Variants in CRYBB2 observed in about 807,000 individuals in gnomAD.
The protein encoded by CRYBB2 is crystallin beta B2, also known as beta-crystallin B2.
CRYBB2 carries 12 observed loss-of-function variants against 24.3 expected under a neutral mutation model. That is an observed-to-expected ratio of 0.49 (90% CI 0.32 to 0.80). The LOEUF is 0.80. CRYBB2 is among the 30% of genes least tolerant of loss of function. CRYBB2 has a pLI of 0.04. For missense variants in CRYBB2, 198 were observed against 268.5 expected (o/e 0.74, Z 1.83); for synonymous variants, 98 against 101.6 (o/e 0.96, Z 0.21).
chr22:25,228,724 G>A (rs896827365), intron 4 of CRYBB2, among the ~76,000 whole-genome samples: 7 of 152,208 alleles, frequency 4.6e-5, no homozygotes, highest in Non-Finnish European at 1.0e-4. Context: ...TCTCTGTGCC[G>A]CGCTTTCCTC....
intron 1 of CRYBB2, among the ~76,000 whole-genome samples, chr22:25,214,401 G>A (rs1935141495): frequency 6.6e-6 from 1 of 152,152 alleles, no homozygotes; most frequent in Admixed American, 6.5e-5. Context: ...GTTGCACCAA[G>A]GTGGGGACCC....
intron 2 of CRYBB2, among the ~76,000 whole-genome samples, chr22:25,222,035 C>T (rs1285288814): frequency 6.6e-6 from 1 of 152,234 alleles, no homozygotes; most frequent in African/African-American, 2.4e-5. Context: ...TTCTCATCCA[C>T]CTGTCCACCC....
upstream of CRYBB2, among the ~76,000 whole-genome samples, chr22:25,217,604 G>A (rs4822581): frequency 0.45 from 68,858 of 151,910 alleles, 16,274 homozygotes; most frequent in East Asian, 0.83. Flanking sequence ...GGCGTGAGCC[G>A]CTGTGCCCGG....
intron 1 of CRYBB2, 141 bp from the exon 2 acceptor site, chr22:25,221,263 G>A (rs989202880): frequency 9.0e-6 from 6 of 663,192 alleles, no homozygotes; most frequent in Admixed American, 2.1e-5. Flanking sequence ...AGCTGCTTAC[G>A]GACCCCACAG....
At chr22:25,214,127 C>T (rs993132548) in intron 1 of CRYBB2, among the ~76,000 whole-genome samples, 2 of 152,082 alleles carry the variant, frequency 1.3e-5, no homozygotes, top group African/African-American at 2.4e-5. Context: ...TTGCTTGAGG[C>T]TTGGAGTTCG....
At position 25,231,054 on chromosome 22, in the gene CRYBB2, C is replaced by A. The variant is rs142192985; in HGVS notation, c.450-550C>A. On this transcript the variant is annotated intron_variant, in intron 5 of 5. Transcript: ENST00000398215. Reference sequence around the variant, plus strand: ...GCAGAGATGTGGGAGCATAAGAATGCGAAGTAGAGCTGGAGGTGTCCACAG... The same window carrying A: ...GCAGAGATGTGGGAGCATAAGAATGAGAAGTAGAGCTGGAGGTGTCCACAG... 1.7e-3 allele frequency among the ~76,000 whole-genome samples: 266 copies of A among 152,240 alleles called. 1 individual carries two copies. The East Asian group carries it at 0.026, about 15-fold the overall frequency.
In CRYBB2 at chr22:25,226,965, C is replaced by T. The variant is rs180680572; in HGVS notation, c.174-888C>T. On this transcript the variant is annotated intron_variant, in intron 3 of 5. Transcript: ENST00000398215. ...CTGGGATTACAGGCGTGAGCCACAG[C>T]GCCCAGCCCCTTGACAACTGTTTTT... Among the ~76,000 whole-genome samples the T allele has an allele frequency of 1.1e-4, 17 of 152,166 alleles. No individual in the cohort carries two copies. The East Asian group carries it at 2.9e-3, about 26-fold the overall frequency.
upstream of CRYBB2, among the ~76,000 whole-genome samples, chr22:25,216,811 T>G (rs369228222): frequency 2.0e-5 from 3 of 152,126 alleles, no homozygotes; most frequent in East Asian, 5.8e-4. Flanking sequence ...CCCAGTAACC[T>G]CTATTCTACT....
At chr22:25,225,616 A>G (rs992210267) in intron 3 of CRYBB2, among the ~76,000 whole-genome samples, 3 of 152,196 alleles carry the variant, frequency 2.0e-5, no homozygotes, top group Non-Finnish European at 4.4e-5. Flanking sequence ...GCATAGTCCT[A>G]TGTGAGCCTG....
intron 3 of CRYBB2, among the ~76,000 whole-genome samples, chr22:25,227,185 CTTCT>C (rs1464441561): frequency 6.6e-6 from 1 of 152,178 alleles, no homozygotes; most frequent in African/African-American, 2.4e-5. Context: ...TGCCTTCTTC[CTTCT>C]ATTTTCTGCT....
upstream of CRYBB2, among the ~76,000 whole-genome samples, chr22:25,212,282 A>G (rs748706896): frequency 1.3e-5 from 2 of 152,234 alleles, no homozygotes; most frequent in Non-Finnish European, 2.9e-5. Context: ...AGACATCTGT[A>G]GAAACAGGGA....
chr22:25,218,847 A>AGAAAGAGAAAGAAAGG (rs1935271937), upstream of CRYBB2, among the ~76,000 whole-genome samples: 3 of 114,450 alleles, frequency 2.6e-5, no homozygotes, highest in African/African-American at 3.8e-5. Context: ...AGAGAAAGAA[A>AGAAAGAGAAAGAAAGG]GAAAGAAAGA....
upstream of CRYBB2, among the ~76,000 whole-genome samples, chr22:25,218,818 G>GAAAGAAAGAAAGA (rs1935265057): frequency 1.5e-4 from 10 of 65,288 alleles, no homozygotes; most frequent in African/African-American, 7.3e-4. Flanking sequence ...AAGAAAGAAA[G>GAAAGAAAGAAAGA]AAAGAAAGAA....
At chr22:25,221,760 G>A (rs1935326334) in intron 2 of CRYBB2, among the ~76,000 whole-genome samples, 1 of 152,160 alleles carries the variant, frequency 6.6e-6, no homozygotes, top group African/African-American at 2.4e-5. Flanking sequence ...ATTGTCTACA[G>A]GGCTCCCTGA....
chr22:25,230,683 C>CTCATTCAT (rs200899061), intron 5 of CRYBB2, among the ~76,000 whole-genome samples: 46 of 140,812 alleles, frequency 3.3e-4, no homozygotes, highest in African/African-American at 4.2e-4. Context: ...CCTTCATTCC[C>CTCATTCAT]TCATTCATTC....
chr22:25,218,148 A>G (rs1935205959), upstream of CRYBB2, among the ~76,000 whole-genome samples: 1 of 152,100 alleles, frequency 6.6e-6, no homozygotes. Flanking sequence ...AGTCCCAGCT[A>G]CTAGGGAGGC....
At chr22:25,218,166 G>A (rs537607916), upstream of CRYBB2, among the ~76,000 whole-genome samples, 1 of 152,192 alleles carries the variant, frequency 6.6e-6, no homozygotes, top group African/African-American at 2.4e-5. Flanking sequence ...GGCTGAAGGA[G>A]GAGAATGGTG....
At chr22:25,218,828 AAG>A (rs1414447778), upstream of CRYBB2, among the ~76,000 whole-genome samples, 1 of 116,780 alleles carries the variant, frequency 8.6e-6, no homozygotes, top group Non-Finnish European at 1.7e-5. Context: ...GAAAGAAAGA[AAG>A]AAAGAAAGAG....
rs1935388121 is a variant in CRYBB2, at chr22:25,225,029, G to A, written c.166G>A (p.Ala56Thr). ...GAAGGCAGGTTCTGTCCTAGTGCAGGCTGGACCGTAAGTACCTGGGTGGCC... is the reference window on the plus strand; with the variant it reads ...GAAGGCAGGTTCTGTCCTAGTGCAGACTGGACCGTAAGTACCTGGGTGGCC... Reference protein sequence around the residue: ...VEKAGSVLVQAGPWVGYEQAN... With the variant: ...VEKAGSVLVQTGPWVGYEQAN... The change falls in exon 3 of 6, where the codon GCT becomes ACT. Residue 56 changes from alanine to threonine, a missense_variant. Coordinates refer to ENST00000398215, the MANE Select transcript of CRYBB2 (RefSeq NM_000496.3). 3 of 1,588,694 alleles carry A rather than the reference G, an allele frequency of 1.9e-6. No homozygotes were observed. The highest frequency in any genetic ancestry group is 2.7e-5 in the African/African-American group (2 of 74,410).
Sources: allele counts gnomAD v4.1 joint callset (sites outside exome capture counted in the v4.1 genomes callset), GRCh38; gene constraint gnomAD v4.1.1; transcripts MANE v1.5; gene names NCBI Gene and HGNC (gene_info 2026-07-23, HGNC 2026-07-21).